CACNA1B: variants seen among roughly 807,000 people sequenced by gnomAD.
CACNA1B encodes the protein calcium voltage-gated channel subunit alpha1 B, also known as voltage-dependent N-type calcium channel subunit alpha-1B.
Under a neutral mutation model 247.2 loss-of-function variants are expected in CACNA1B, and 70 were observed. The ratio of observed to expected loss-of-function variants is 0.28; its 90% confidence interval spans 0.23 to 0.35. The LOEUF (loss-of-function observed/expected upper bound fraction) is 0.35, where lower values mean the gene tolerates loss of function less well. Ranked by LOEUF, CACNA1B falls within the 10% of genes least tolerant of loss-of-function variation. The probability of loss-of-function intolerance (pLI) is 1.00; values close to 1 mark genes in which losing one functional copy is unlikely to be tolerated. For missense variants in CACNA1B, 2,367 were observed against 3,197.4 expected (o/e 0.74, Z 6.26); for synonymous variants, 1,231 against 1,294.4 (o/e 0.95, Z 1.05).
intron 39 of CACNA1B, among the ~76,000 whole-genome samples, chr9:138,108,308 CAAAAA>C (rs935431476): frequency 2.7e-4 from 12 of 44,090 alleles, no homozygotes; most frequent in African/African-American, 9.2e-4. Flanking sequence ...AACCCCATCT[CAAAAA>C]AAAAAAAAAA....
intron 18 of CACNA1B, among the ~76,000 whole-genome samples, chr9:138,013,500 A>C (rs1286303679): frequency 6.6e-6 from 1 of 152,052 alleles, no homozygotes; most frequent in Admixed American, 6.5e-5. Flanking sequence ...CACTCCCTGG[A>C]TAGCCTCAGG....
intron 15 of CACNA1B, among the ~76,000 whole-genome samples, chr9:137,989,439 C>T (rs1958406198): frequency 6.6e-6 from 1 of 152,100 alleles, no homozygotes; most frequent in South Asian, 2.1e-4. Context: ...GAGAGGGTGG[C>T]CAGTGCCCCT....
In CACNA1B at chr9:137,951,523, C is replaced by T. The variant is rs1039356593; in HGVS notation, c.967-751C>T. 1.2e-4 allele frequency among the ~76,000 whole-genome samples: 18 copies of T among 152,340 alleles called. No homozygotes were observed. The South Asian group carries it at 1.9e-3, about 16-fold the overall frequency. ...GGGCTGCCTCCCTTGGCACCCACCA[C>T]CCTCCTGGTTTCTCTCCAGCACCAG... On this transcript the variant is annotated intron_variant, in intron 6 of 46. Transcript: ENST00000371372.
In CACNA1B at chr9:138,085,186, AG is replaced by A. The variant is rs1466576681; in HGVS notation, c.5094+6929del. On this transcript the variant is annotated intron_variant, in intron 36 of 46. Transcript: ENST00000371372. ...ACAAAGAGATAGGAATCATAAAAAA[AG>A]AACCAAGCAGATATCCTGCAGCTGA... 2.0e-5 allele frequency among the ~76,000 whole-genome samples: 3 copies of A among 150,906 alleles called. 1 individual carries two copies. Among genetic ancestry groups the A allele is most frequent in the Non-Finnish European group, 4.4e-5 (3 of 68,008 alleles).
chr9:137,999,672 G>A (rs900417531), intron 15 of CACNA1B, among the ~76,000 whole-genome samples: 4 of 152,030 alleles, frequency 2.6e-5, no homozygotes, highest in Non-Finnish European at 5.9e-5. Flanking sequence ...ACCATGCCCA[G>A]CTAATTTCTA....
Position 137,918,478 on chromosome 9 carries a change from T to C in CACNA1B, c.966+1047T>C, listed in dbSNP as rs550134604. Among the ~76,000 whole-genome samples the C allele has an allele frequency of 1.8e-4, 28 of 152,178 alleles. 1 individual carries two copies. Among genetic ancestry groups the C allele is most frequent in the African/African-American group, 6.5e-4 (27 of 41,536 alleles). On this transcript the variant is annotated intron_variant, in intron 6 of 46. Transcript: ENST00000371372. The stretch of plus-strand genomic sequence containing the variant: ...GGAGGGGTGCTAGGTTTTGAGTAAC[T>C]AGAGGATGTGTTCCCCTCAGGTGCT...
At position 138,052,237 on chromosome 9, in the gene CACNA1B, TGTGTGTGTGTGC is replaced by T; in HGVS notation, c.3807+61_3807+72del. On this transcript the variant is annotated intron_variant, in intron 25 of 46. Transcript: ENST00000371372. This position sits in a 1 kb window ranked among gnomAD's most constrained non-coding sequence, Gnocchi z 5.1. The stretch of plus-strand genomic sequence containing the variant: ...GAGGGATGTGCTGTGTGTGTGTGCG[TGTGTGTGTGTGC>T]GTGTGTGTGTGTGTATGCATGCAGT... 6 of 873,318 alleles carry T rather than the reference TGTGTGTGTGTGC, an allele frequency of 6.9e-6. No homozygotes were observed. Among genetic ancestry groups the T allele is most frequent in the Admixed American group, 2.0e-5 (1 of 49,082 alleles). The allele number at this position is 873,318 out of a possible 1,614,324, so 54.1% of individuals were successfully genotyped here. A position where few individuals can be genotyped will look rare whatever the true frequency, so the allele number is the denominator to read the frequency against.
At chr9:137,894,302 ATTT>A (rs56794355) in intron 3 of CACNA1B, among the ~76,000 whole-genome samples, 4 of 96,074 alleles carry the variant, frequency 4.2e-5, no homozygotes, top group African/African-American at 7.1e-5. Flanking sequence ...TTGTCTCTGT[ATTT>A]TTTTTTTTTT....
At chr9:137,976,112 G>T in intron 12 of CACNA1B, 93 bp downstream of exon 12, 1 of 796,104 alleles carries the variant, frequency 1.3e-6, no homozygotes, top group South Asian at 1.5e-5. Context: ...TGTGGGCTGG[G>T]GTCTGTGACC....
intron 45 of CACNA1B, 115 bp downstream of exon 45, chr9:138,120,487 C>G (rs1962048039): frequency 1.4e-6 from 2 of 1,386,222 alleles, no homozygotes; most frequent in Non-Finnish European, 9.7e-7. Flanking sequence ...CATAACCAGC[C>G]AGAGCAGGGT....
At chr9:138,083,509 T>C (rs1293116237) in intron 36 of CACNA1B, among the ~76,000 whole-genome samples, 3 of 150,284 alleles carry the variant, frequency 2.0e-5, no homozygotes, top group African/African-American at 7.4e-5. Flanking sequence ...CAGGAAATGG[T>C]GCGTTGGCCA....
chr9:137,957,579 C>CA lies in CACNA1B; in HGVS notation c.1244-18dup. 3 of 1,553,154 alleles carry CA rather than the reference C, an allele frequency of 1.9e-6. No individual in the cohort carries two copies. The highest frequency in any genetic ancestry group is 2.6e-6 in the Non-Finnish European group (3 of 1,148,046). ...GGGCTGCAGCTCAGGCAGTCTCTCC[C>CA]ATCCTTTGTTTAAAGCAGTGCTGAA... On this transcript the variant is annotated intron_variant, in intron 9 of 46. Transcript: ENST00000371372. The surrounding 1 kb of genome is among the most constrained non-coding windows in gnomAD (Gnocchi z 4.7).
intron 23 of CACNA1B, among the ~76,000 whole-genome samples, chr9:138,048,965 G>A (rs1468912462): frequency 2.6e-5 from 4 of 152,148 alleles, no homozygotes; most frequent in Admixed American, 6.5e-5. Context: ...TGATCCACCC[G>A]CCTCAGCCTC....
Position 137,913,717 on chromosome 9 carries a change from G to A in CACNA1B, c.622+446G>A, listed in dbSNP as rs1231710983. 2.6e-5 allele frequency among the ~76,000 whole-genome samples: 4 copies of A among 152,194 alleles called. No individual in the cohort carries two copies. The highest frequency in any genetic ancestry group is 7.2e-5 in the African/African-American group (3 of 41,446). On this transcript the variant is annotated intron_variant, in intron 4 of 46. Transcript: ENST00000371372. This position sits in a 1 kb window ranked among gnomAD's most constrained non-coding sequence, Gnocchi z 5.2. ...AGCCTTAAGACATGCTCCTGAAGTG[G>A]GCTGCCCACAGAGCCTGCCATGAGC...
At chr9:137,910,701 A>C (rs970693280) in intron 3 of CACNA1B, among the ~76,000 whole-genome samples, 1 of 152,074 alleles carries the variant, frequency 6.6e-6, no homozygotes, top group Non-Finnish European at 1.5e-5. Flanking sequence ...AGTAGGATTC[A>C]TGCTCCTATG....
At chr9:138,048,883 A>G (rs1201669368) in intron 23 of CACNA1B, among the ~76,000 whole-genome samples, 2 of 152,192 alleles carry the variant, frequency 1.3e-5, no homozygotes, top group South Asian at 2.1e-4. Flanking sequence ...ACACCCGGCT[A>G]ATTTTTGTAT....
Position 137,935,958 on chromosome 9 carries a change from G to A in CACNA1B, c.967-16316G>A, listed in dbSNP as rs189423591. ...TGCAGCCTCTGCCTCCTGGGTTCAC[G>A]CCATTCTCCTGCCTCAGCCTCCTGA... On this transcript the variant is annotated intron_variant, in intron 6 of 46. Coordinates refer to ENST00000371372, the MANE Select transcript of CACNA1B (RefSeq NM_000718.4). Among the ~76,000 whole-genome samples, 35 of 152,304 alleles carry A rather than the reference G, an allele frequency of 2.3e-4. No individual in the cohort carries two copies. In the Middle Eastern group the frequency reaches 0.01, roughly 44 times the overall value.
chr9:137,918,265 C>G (rs1957439949), intron 6 of CACNA1B, among the ~76,000 whole-genome samples: 1 of 152,056 alleles, frequency 6.6e-6, no homozygotes, highest in African/African-American at 2.4e-5. Flanking sequence ...TGGGTCCCTT[C>G]TTGGTGGAGT....
chr9:137,998,865 A>G (rs1319768438), intron 15 of CACNA1B, among the ~76,000 whole-genome samples: 1 of 152,258 alleles, frequency 6.6e-6, no homozygotes, highest in Non-Finnish European at 1.5e-5. Flanking sequence ...CTGACAAAAG[A>G]TTAGAAAGGA....
Sources: gnomAD v4.1 joint callset for allele counts (sites outside exome capture counted in the v4.1 genomes callset) on GRCh38, gnomAD v4.1.1 for gene constraint, Gnocchi (gnomAD v3.1) non-coding constraint, MANE v1.5 for transcripts, NCBI Gene and HGNC (gene_info 2026-07-23, HGNC 2026-07-21) for gene names.